Variants in BLNK observed in about 807,000 individuals in gnomAD.
BLNK encodes the protein B cell linker.
In BLNK, 29 loss-of-function variants were observed where a neutral mutation model predicts 73.5. The ratio of observed to expected loss-of-function variants is 0.39; its 90% confidence interval spans 0.29 to 0.54. The LOEUF (loss-of-function observed/expected upper bound fraction) is 0.54. Among genes scored for constraint, BLNK ranks in the 20% least tolerant of loss-of-function variants. The pLI is 0.61. For missense variants in BLNK, 460 were observed against 562.8 expected, an observed-to-expected ratio of 0.82 and a Z score of 1.85; for synonymous variants, 176 against 200.8, an observed-to-expected ratio of 0.88 and a Z score of 1.04.
At position 96,265,445 on chromosome 10, in the gene BLNK, G is replaced by C. The variant is rs868938539; in HGVS notation, c.47+5907C>G. Among the ~76,000 whole-genome samples, 7 of 152,286 alleles carry C rather than the reference G, an allele frequency of 4.6e-5. No homozygotes were observed. The South Asian group carries it at 1.5e-3, about 32-fold the overall frequency. On this transcript the variant is annotated intron_variant, in intron 1 of 16. Coordinates refer to ENST00000224337, the MANE Select transcript of BLNK (RefSeq NM_013314.4). ...ACTATTTATTACAAGATGACCTTAT[G>C]TCTGGAAATCTTTTCCTGCTCTCAC...
At chr10:96,266,419 T>G (rs1316249234) in intron 1 of BLNK, among the ~76,000 whole-genome samples, 1 of 152,220 alleles carries the variant, frequency 6.6e-6, no homozygotes, top group East Asian at 1.9e-4. Context: ...TCCTCGGACA[T>G]GTGGACTCTG....
chr10:96,207,388 AC>A (rs1431464036), intron 10 of BLNK, among the ~76,000 whole-genome samples: 33 of 150,448 alleles, frequency 2.2e-4, no homozygotes, highest in Admixed American at 1.3e-3. Context: ...TGGTCTCATG[AC>A]CCCCCCCTTC....
chr10:96,194,153 G>A (rs1554894096), intron 16 of BLNK, among the ~76,000 whole-genome samples: 2 of 152,148 alleles, frequency 1.3e-5, no homozygotes, highest in Admixed American at 1.3e-4. Context: ...GAGCCCCTCA[G>A]GGAGTTCAAA....
intron 3 of BLNK, among the ~76,000 whole-genome samples, chr10:96,231,422 G>A (rs1425522031): frequency 1.3e-5 from 2 of 152,154 alleles, no homozygotes; most frequent in Admixed American, 6.5e-5. Context: ...TCTCAAAGAC[G>A]CTGTGAGGGG....
chr10:96,204,406 C>CA, intron 12 of BLNK, 126 bp downstream of exon 12: 1 of 1,142,912 alleles, frequency 8.7e-7, no homozygotes, highest in Non-Finnish European at 1.3e-6. Context: ...CACGTAACTG[C>CA]AAAACAATGA....
intron 3 of BLNK, among the ~76,000 whole-genome samples, chr10:96,233,258 T>C (rs184863334): frequency 1.5e-4 from 23 of 152,338 alleles, no homozygotes; most frequent in African/African-American, 5.1e-4. Flanking sequence ...GCTCCACCCT[T>C]TCTCAGTGAG....
chr10:96,197,213 T>C, intron 15 of BLNK, 150 bp from the exon 16 acceptor site: 1 of 608,216 alleles, frequency 1.6e-6, no homozygotes, highest in South Asian at 2.3e-5. Context: ...AGCGCTTGTC[T>C]TCTTATTTTC....
chr10:96,262,351 G>A lies in BLNK; in HGVS notation c.47+9001C>T, dbSNP rs571668744. 5.3e-5 allele frequency among the ~76,000 whole-genome samples: 8 copies of A among 152,250 alleles called. No individual in the cohort carries two copies. The East Asian group carries it at 1.5e-3, about 29-fold the overall frequency. ...CAGGGAAGCACAGACCAGGAGGAAG[G>A]GGGCATTCATTGAGCTCTTACTCTC... On this transcript the variant is annotated intron_variant, in intron 1 of 16. Transcript: ENST00000224337.
chr10:96,223,421 CCTT>C (rs2084246589), intron 6 of BLNK, among the ~76,000 whole-genome samples: 1 of 152,158 alleles, frequency 6.6e-6, no homozygotes, highest in Non-Finnish European at 1.5e-5. Flanking sequence ...CTTGGTCTCT[CCTT>C]CTGCCTTACG....
intron 5 of BLNK, among the ~76,000 whole-genome samples, chr10:96,226,965 A>G (rs1012635086): frequency 6.6e-6 from 1 of 152,118 alleles, no homozygotes. Context: ...TGGACTAGGC[A>G]TGGGAGGAAG....
At chr10:96,255,656 C>T (rs933221756) in intron 1 of BLNK, among the ~76,000 whole-genome samples, 1 of 152,184 alleles carries the variant, frequency 6.6e-6, no homozygotes, top group African/African-American at 2.4e-5. Context: ...CTTCATCCCC[C>T]GCATCTTAAC....
chr10:96,247,009 C>G lies in BLNK; in HGVS notation c.88G>C (p.Gly30Arg), dbSNP rs143109144. 9.5e-4 allele frequency: 1,525 copies of G among 1,607,588 alleles called. No individual in the cohort carries two copies. The highest frequency in any genetic ancestry group is 1.2e-3 in the Non-Finnish European group (1,393 of 1,176,124). Reference sequence around the variant, plus strand: ...TTTTTGATTTTATTCATTATTCCACCTTCATTGTTTTTAATATCATGGACC... The same window carrying G: ...TTTTTGATTTTATTCATTATTCCACGTTCATTGTTTTTAATATCATGGACC... ...KMVHDIKNNE[G>R]GIMNKIKKLK... The change falls in exon 2 of 17, where the codon GGT becomes CGT. Residue 30 changes from glycine (G) to arginine (R), a missense_variant. This residue lies in a region of BLNK where 139 missense variants were observed against 187.3 expected (regional missense o/e 0.74). Transcript: ENST00000224337.
At chr10:96,229,237 C>T (rs1348742269) in intron 4 of BLNK, among the ~76,000 whole-genome samples, 2 of 149,778 alleles carry the variant, frequency 1.3e-5, no homozygotes, top group African/African-American at 2.4e-5. Flanking sequence ...ACCTGCTGCC[C>T]CCTCGACCAC....
intron 15 of BLNK, 93 bp downstream of exon 15, chr10:96,199,982 C>G (rs147008878): frequency 9.0e-6 from 8 of 889,558 alleles, no homozygotes; most frequent in Non-Finnish European, 1.2e-5. Context: ...GAGCTGAGAT[C>G]GAGCCACTGC....
At chr10:96,259,521 C>T (rs1332764944) in intron 1 of BLNK, among the ~76,000 whole-genome samples, 1 of 152,026 alleles carries the variant, frequency 6.6e-6, no homozygotes, top group Non-Finnish European at 1.5e-5. Context: ...TTCTCAACAC[C>T]CGAGGCAGAA....
chr10:96,234,830 A>C (rs1388701180), intron 3 of BLNK, among the ~76,000 whole-genome samples: 1 of 152,164 alleles, frequency 6.6e-6, no homozygotes, highest in East Asian at 1.9e-4. Flanking sequence ...AGTGAGTAAA[A>C]TTTGGGGGAG....
Position 96,216,739 on chromosome 10 carries a change from C to G in BLNK, c.526-5G>C, listed in dbSNP as rs17111459. ...CACGGGGACCACATAATCAGCCTAA[C>G]AGAAATACAAAACTGAATGAGAAGA... On this transcript the variant is annotated splice_polypyrimidine_tract_variant and splice_region_variant and intron_variant, in intron 6 of 16. Transcript: ENST00000224337. 7.6e-3 allele frequency: 12,235 copies of G among 1,612,622 alleles called. 90 individuals carry two copies. The highest frequency in any genetic ancestry group is 0.024 in the African/African-American group (1,794 of 74,972).
intron 7 of BLNK, 28 bp from the exon 8 acceptor site, chr10:96,215,417 AT>A: frequency 1.4e-6 from 2 of 1,444,238 alleles, no homozygotes; most frequent in Non-Finnish European, 1.9e-6. Context: ...GTGTGTATAT[AT>A]ATATATATAT....
intron 6 of BLNK, among the ~76,000 whole-genome samples, chr10:96,219,479 A>C (rs1371139837): frequency 6.6e-6 from 1 of 152,182 alleles, no homozygotes; most frequent in Non-Finnish European, 1.5e-5. Flanking sequence ...AAATCCTTCA[A>C]TATCTTATGT....
Sources: gnomAD v4.1 joint callset for allele counts (sites outside exome capture counted in the v4.1 genomes callset) on GRCh38, gnomAD v4.1.1 for gene constraint, gnomAD v4.1.1 regional missense constraint, MANE v1.5 for transcripts, NCBI Gene and HGNC (gene_info 2026-07-23, HGNC 2026-07-21) for gene names.